MAD1L1: variants seen among roughly 807,000 people sequenced by gnomAD.
MAD1L1 encodes the protein mitotic spindle assembly checkpoint protein MAD1.
Under a neutral mutation model 96.9 loss-of-function variants are expected in MAD1L1, and 95 were observed. The observed-to-expected ratio is 0.98, with a 90% CI of 0.83 to 1.16. The LOEUF (loss-of-function observed/expected upper bound fraction) is 1.16, where lower values mean the gene tolerates loss of function less well. Among genes scored for constraint, MAD1L1 ranks in the 50% most tolerant of loss-of-function variants. MAD1L1 has a pLI of 0.00. For missense variants in MAD1L1, 1,007 were observed against 954.4 expected (o/e 1.06, Z -0.73); for synonymous variants, 473 against 396.6 (o/e 1.19, Z -2.29).
At chr7:2,232,659 G>C (rs1037041778) in intron 1 of MAD1L1, among the ~76,000 whole-genome samples, 1 of 152,170 alleles carries the variant, frequency 6.6e-6, no homozygotes, top group East Asian at 1.9e-4. Context: ...AGGGGGAGTG[G>C]GGACAGGGGA....
chr7:2,019,738 C>T (rs11972121), intron 12 of MAD1L1, among the ~76,000 whole-genome samples: 190 of 152,148 alleles, frequency 1.2e-3, no homozygotes, highest in African/African-American at 4.3e-3. Flanking sequence ...CGCAAGGCCA[C>T]GCCTCGCCAC....
intron 1 of MAD1L1, among the ~76,000 whole-genome samples, chr7:2,231,872 G>A (rs1794209262): frequency 6.6e-6 from 1 of 151,948 alleles, no homozygotes; most frequent in Non-Finnish European, 1.5e-5. Flanking sequence ...AAAGTTGTGG[G>A]GAACGGGGCC....
chr7:2,028,572 T>G (rs999237206), intron 12 of MAD1L1, among the ~76,000 whole-genome samples: 25 of 152,012 alleles, frequency 1.6e-4, no homozygotes, highest in African/African-American at 5.6e-4. Context: ...GACTGACAGG[T>G]TGAGCTGTAA....
At chr7:1,896,805 T>G (rs1032463222) in intron 18 of MAD1L1, among the ~76,000 whole-genome samples, 2 of 152,230 alleles carry the variant, frequency 1.3e-5, no homozygotes, top group Non-Finnish European at 2.9e-5. Flanking sequence ...GCCTCTTAAT[T>G]TGTAAATGTT....
At chr7:2,201,594 TAAAAAGAG>T (rs1472151506) in intron 10 of MAD1L1, among the ~76,000 whole-genome samples, 3 of 151,996 alleles carry the variant, frequency 2.0e-5, no homozygotes, top group African/African-American at 7.3e-5. Flanking sequence ...AAAATCAATT[TAAAAAGAG>T]ACCTATAAGT....
intron 10 of MAD1L1, among the ~76,000 whole-genome samples, chr7:2,203,583 A>T (rs551541763): frequency 3.1e-4 from 47 of 152,348 alleles, no homozygotes; most frequent in Admixed American, 9.1e-4. Flanking sequence ...GTGTCCATCA[A>T]CAGGGGCTGC....
At chr7:2,128,483 G>C (rs1788346125) in intron 11 of MAD1L1, among the ~76,000 whole-genome samples, 2 of 152,206 alleles carry the variant, frequency 1.3e-5, no homozygotes, top group Non-Finnish European at 2.9e-5. Flanking sequence ...GGCTGCTTCT[G>C]GAAGATGGCC....
At chr7:2,116,115 G>A (rs1370833521) in intron 11 of MAD1L1, among the ~76,000 whole-genome samples, 1 of 152,234 alleles carries the variant, frequency 6.6e-6, no homozygotes, top group Non-Finnish European at 1.5e-5. Flanking sequence ...GCTGAAGGGC[G>A]TGAGCAGGAC....
intron 11 of MAD1L1, among the ~76,000 whole-genome samples, chr7:2,111,642 A>G (rs1298077268): frequency 6.6e-6 from 1 of 152,242 alleles, no homozygotes; most frequent in Non-Finnish European, 1.5e-5. Context: ...GGCTGCAGAA[A>G]GCACCACAGC....
chr7:2,017,826 G>C (rs570997043), intron 12 of MAD1L1, among the ~76,000 whole-genome samples: 6 of 152,312 alleles, frequency 3.9e-5, no homozygotes, highest in African/African-American at 1.4e-4. Flanking sequence ...CCATAGCAGG[G>C]GGCAGGACAC....
intron 10 of MAD1L1, among the ~76,000 whole-genome samples, chr7:2,161,997 G>A (rs1464579701): frequency 6.9e-6 from 1 of 144,636 alleles, no homozygotes; most frequent in Non-Finnish European, 1.5e-5. Flanking sequence ...GCCCATCCGG[G>A]AGGTGGGGGG....
intron 17 of MAD1L1, among the ~76,000 whole-genome samples, chr7:1,902,210 G>T (rs545966289): frequency 2.6e-5 from 4 of 152,286 alleles, no homozygotes; most frequent in East Asian, 3.9e-4. Flanking sequence ...GCTGTGAAGA[G>T]GACAGAATAA....
chr7:2,192,067 T>C (rs1369308065), intron 10 of MAD1L1, among the ~76,000 whole-genome samples: 1 of 151,286 alleles, frequency 6.6e-6, no homozygotes, highest in African/African-American at 2.4e-5. Context: ...AACTTAAAAT[T>C]AAAAACTAAA....
chr7:1,970,067 C>T (rs765579225), intron 15 of MAD1L1, among the ~76,000 whole-genome samples: 2 of 152,110 alleles, frequency 1.3e-5, no homozygotes, highest in Admixed American at 6.6e-5. Flanking sequence ...GGATCTCGCT[C>T]GAGGGCGTTG....
chr7:2,034,374 G>A (rs760526878), intron 12 of MAD1L1, among the ~76,000 whole-genome samples: 4 of 151,870 alleles, frequency 2.6e-5, no homozygotes, highest in African/African-American at 4.8e-5. Flanking sequence ...ACACCACCAC[G>A]CCCAGCTAAT....
At chr7:1,883,186 G>T (rs557856878) in intron 18 of MAD1L1, among the ~76,000 whole-genome samples, 2 of 150,994 alleles carry the variant, frequency 1.3e-5, no homozygotes, top group Admixed American at 6.6e-5. Context: ...TGTCACAAAC[G>T]ACTCCAGGAA....
intron 13 of MAD1L1, 85 bp from the exon 14 acceptor site, chr7:2,002,206 C>T (rs1781829853): frequency 7.6e-7 from 1 of 1,310,142 alleles, no homozygotes; most frequent in Admixed American, 1.7e-5. Flanking sequence ...CCCCCACCAC[C>T]CCGCAGCCTC....
At chr7:2,096,764 G>T (rs1213868314) in intron 11 of MAD1L1, among the ~76,000 whole-genome samples, 1 of 152,112 alleles carries the variant, frequency 6.6e-6, no homozygotes, top group Non-Finnish European at 1.5e-5. Context: ...ATAAGGGAGG[G>T]GGCAGGCTGC....
chr7:2,132,984 G>A lies in MAD1L1; in HGVS notation c.1073+16168C>T, dbSNP rs1402932862. Among the ~76,000 whole-genome samples, 5 of 152,248 alleles carry A rather than the reference G, an allele frequency of 3.3e-5. No homozygotes were observed. In the East Asian group the frequency reaches 5.8e-4, roughly 18 times the overall value. ...AGATGATTGTTACAGGGAGCCTGGC[G>A]TCTCCCTGCTCTCCCCCTTCCTGCG... On this transcript the variant is annotated intron_variant, in intron 11 of 18. Coordinates refer to ENST00000265854, the MANE Select transcript of MAD1L1 (RefSeq NM_001013836.2).
Sources: gnomAD v4.1 joint callset for allele counts (sites outside exome capture counted in the v4.1 genomes callset) on GRCh38, gnomAD v4.1.1 for gene constraint, MANE v1.5 for transcripts, NCBI Gene and HGNC (gene_info 2026-07-23, HGNC 2026-07-21) for gene names.